ATP7B: variants seen among roughly 807,000 people sequenced by gnomAD.
The protein encoded by ATP7B is copper-transporting ATPase 2.
In ATP7B, 113 loss-of-function variants were observed where a neutral mutation model predicts 118.9. The observed-to-expected ratio is 0.95, with a 90% CI of 0.82 to 1.11. ATP7B has a LOEUF of 1.11. Among genes scored for constraint, ATP7B ranks in the 50% most tolerant of loss-of-function variants. The pLI is 0.00. For synonymous variants in ATP7B, 777 were observed against 727.4 expected (o/e 1.07, Z -1.10); for missense variants, 1,867 against 1,871.4 (o/e 1.00, Z 0.04).
At position 51,949,694 on chromosome 13, in the gene ATP7B, T is replaced by C. The variant is rs373757123; in HGVS notation, c.2833A>G (p.Ile945Val). ...TATCTCTGAACAACACCAAAATCGA[T>C]AAAACCGATTACAATCCATACCACC... The part of the protein sequence containing the change: ...TLVVWIVIGF[I>V]DFGVVQRYFP... The change falls in exon 12 of 21, where the codon ATC becomes GTC. Residue 945 changes from isoleucine (I) to valine (V), a missense_variant. Physicochemically the swap from Ile to Val is conservative, Grantham distance 29. Coordinates refer to ENST00000242839, the MANE Select transcript of ATP7B (RefSeq NM_000053.4). The C allele has an allele frequency of 8.7e-6, 14 of 1,613,942 alleles. No individual in the cohort carries two copies. The African/African-American group carries it at 1.9e-4, about 22-fold the overall frequency.
intron 9 of ATP7B, among the ~76,000 whole-genome samples, chr13:51,951,941 T>C (rs529343823): frequency 6.6e-6 from 1 of 152,336 alleles, no homozygotes; most frequent in Admixed American, 6.5e-5. Context: ...GGAAATTACT[T>C]GATGGCACTG....
rs886050310 is a variant in ATP7B at position 52,011,434 on chromosome 13, G to A, written c.-97C>T. The A allele has an allele frequency of 3.3e-6, 5 of 1,534,000 alleles. No individual in the cohort carries two copies. The South Asian group carries it at 3.4e-5, about 10-fold the overall frequency. On this transcript the variant is annotated 5_prime_UTR_variant, in exon 1 of 21. Coordinates refer to ENST00000242839, the MANE Select transcript of ATP7B (RefSeq NM_000053.4). ...GCGGGGTGTTAAAGTCCCGGGAGAG[G>A]AGGCGCAGAGTGTGAGGGCATCGGC... is the stretch of plus-strand genomic sequence containing the variant.
chr13:51,966,866 A>G lies in ATP7B; in HGVS notation c.1707+1578T>C, dbSNP rs549748104. On this transcript the variant is annotated intron_variant, in intron 4 of 20. Transcript: ENST00000242839. ...AAAATGGGCGCAATGGCCAAGCCAG[A>G]TTGTATCATCACTTGTGATGGCAGA... The G allele has an allele frequency of 2.4e-5, 38 of 1,612,936 alleles. No homozygotes were observed. The East Asian group carries it at 6.9e-4, about 29-fold the overall frequency.
In ATP7B at chr13:51,950,115, C is replaced by T. The variant is rs896503662; in HGVS notation, c.2622G>A (p.Ala874=). The change falls in exon 11 of 21, where the codon GCG becomes GCA. Residue 874 remains alanine (A), a synonymous_variant. Transcript: ENST00000242839. ...CAGAGCCATGTGCATTTATAGACCC[C>T]GCAATTACAGTGCTTCCGGGTTTCT... is the stretch of plus-strand genomic sequence containing the variant. ...VTKKPGSTVI[A]GSINAHGSVL... 1.6e-5 allele frequency: 26 copies of T among 1,614,056 alleles called. No individual in the cohort carries two copies. The highest frequency in any genetic ancestry group is 2.0e-5 in the Non-Finnish European group (24 of 1,180,044).
In ATP7B at chr13:51,958,470, G is replaced by A. The variant is rs201213995; in HGVS notation, c.2196C>T (p.Leu732=). 4.0e-5 allele frequency: 65 copies of A among 1,614,112 alleles called. No homozygotes were observed. Among genetic ancestry groups the A allele is most frequent in the Non-Finnish European group, 5.3e-5 (63 of 1,180,046 alleles). ...AAGCAATGCTTGTGGCCAGGACGAT[G>A]AGCACGTCCATGTTGGCTGACCTGT... is the stretch of plus-strand genomic sequence containing the variant. The part of the protein sequence containing the change: ...LRHRSANMDV[L]IVLATSIAYV... Residue 732 remains leucine, a synonymous_variant, in exon 8 of 21, where the codon CTC becomes CTT. Coordinates refer to ENST00000242839, the MANE Select transcript of ATP7B (RefSeq NM_000053.4).
At chr13:51,976,311 C>T (rs1952116606) in intron 1 of ATP7B, among the ~76,000 whole-genome samples, 1 of 152,190 alleles carries the variant, frequency 6.6e-6, no homozygotes, top group Non-Finnish European at 1.5e-5. Flanking sequence ...AAAATGCAGA[C>T]CTTGCCAACC....
At chr13:51,946,992 TAAGAA>T (rs1366546627) in intron 12 of ATP7B, among the ~76,000 whole-genome samples, 1 of 152,210 alleles carries the variant, frequency 6.6e-6, no homozygotes, top group Non-Finnish European at 1.5e-5. Context: ...ATCATATAAA[TAAGAA>T]AAGATGCAAG....
rs756718353 is a variant in ATP7B at position 51,974,632 on chromosome 13, G to T, written c.588C>A (p.Asp196Glu). ...TYQPYLIQPEDLRDHVNDMGF... is the reference protein window; with the variant it reads ...TYQPYLIQPEELRDHVNDMGF... ...CCATGTCATTTACATGGTCCCTGAG[G>T]TCTTCGGGCTGAATGAGATAAGGCT... The change falls in exon 2 of 21, where the codon GAC (aspartate) becomes GAA (glutamate). Residue 196 changes from aspartate to glutamate, a missense_variant. Physicochemically the swap from Asp to Glu is conservative, Grantham distance 45. Coordinates refer to ENST00000242839, the MANE Select transcript of ATP7B (RefSeq NM_000053.4). The T allele has an allele frequency of 6.2e-6, 10 of 1,612,634 alleles. No individual in the cohort carries two copies. The East Asian group carries it at 8.9e-5, about 14-fold the overall frequency.
chr13:51,960,492 T>A lies in ATP7B; in HGVS notation c.1947-170A>T, dbSNP rs190690337. The stretch of plus-strand genomic sequence containing the variant: ...AACTCTCTCTCTCTGACACTGGCCA[T>A]CTGAGGGAGCATCTAGAGGTCTAAA... On this transcript the variant is annotated intron_variant, in intron 6 of 20. Coordinates refer to ENST00000242839, the MANE Select transcript of ATP7B (RefSeq NM_000053.4). Among the ~76,000 whole-genome samples the A allele has an allele frequency of 2.7e-3, 408 of 152,286 alleles. 1 individual carries two copies. The highest frequency in any genetic ancestry group is 9.4e-3 in the African/African-American group (390 of 41,554).
At chr13:51,957,658 C>T in intron 8 of ATP7B, 51 bp from the exon 9 acceptor site, 1 of 1,547,884 alleles carries the variant, frequency 6.5e-7, no homozygotes, top group Non-Finnish European at 8.9e-7. Context: ...CAGACCTGTC[C>T]AAACCCAGCC....
At chr13:52,008,224 C>T (rs1341901069) in intron 1 of ATP7B, among the ~76,000 whole-genome samples, 3 of 152,172 alleles carry the variant, frequency 2.0e-5, no homozygotes. Flanking sequence ...CCTGTAATCC[C>T]AGCTACTCAG....
Position 51,974,778 on chromosome 13 carries a change from G to C in ATP7B, c.442C>G (p.Arg148Gly), listed in dbSNP as rs373762572. ...LPAQEAVVKLRVEGMTCQSCV... is the reference protein window; with the variant it reads ...LPAQEAVVKLGVEGMTCQSCV... Reference sequence around the variant, plus strand: ...GACTGGCAGGTCATGCCCTCCACCCGGAGCTTGACCACAGCCTCCTGGGCA... The same window carrying C: ...GACTGGCAGGTCATGCCCTCCACCCCGAGCTTGACCACAGCCTCCTGGGCA... Residue 148 changes from arginine to glycine, a missense_variant, in exon 2 of 21, where the codon CGG (arginine) becomes GGG (glycine). Physicochemically the swap from Arg to Gly is moderately radical, Grantham distance 125. Coordinates refer to ENST00000242839, the MANE Select transcript of ATP7B (RefSeq NM_000053.4). 1.2e-6 allele frequency: 2 copies of C among 1,614,044 alleles called. No homozygotes were observed. Among genetic ancestry groups the C allele is most frequent in the South Asian group, 1.1e-5 (1 of 91,082 alleles).
intron 6 of ATP7B, among the ~76,000 whole-genome samples, chr13:51,961,269 T>C (rs1168830584): frequency 6.6e-6 from 1 of 151,848 alleles, no homozygotes; most frequent in Non-Finnish European, 1.5e-5. Context: ...GGAAAGTATT[T>C]ATCCCCAGCA....
intron 7 of ATP7B, 101 bp downstream of exon 7, chr13:51,960,047 T>C: frequency 6.8e-7 from 1 of 1,476,448 alleles, no homozygotes; most frequent in Non-Finnish European, 9.4e-7. Context: ...AAAGTGCCAT[T>C]TAAACCAAGC....
At chr13:51,981,564 A>T (rs1252585257) in intron 1 of ATP7B, among the ~76,000 whole-genome samples, 2 of 152,288 alleles carry the variant, frequency 1.3e-5, no homozygotes, top group Non-Finnish European at 1.5e-5. Context: ...ACAAATTCAC[A>T]GGGGAGGGCA....
chr13:51,968,365 T>A (rs762028485), intron 4 of ATP7B, 79 bp downstream of exon 4: 2 of 1,601,324 alleles, frequency 1.2e-6, no homozygotes, highest in Non-Finnish European at 1.7e-6. Context: ...TGGGGAAATT[T>A]ACTAATCACA....
At position 51,974,664 on chromosome 13, in the gene ATP7B, T is replaced by C. The variant is rs1457309985; in HGVS notation, c.556A>G (p.Thr186Ala). The change falls in exon 2 of 21, where the codon ACT becomes GCT. Residue 186 changes from threonine to alanine, a missense_variant. By Grantham distance (58) the Thr-to-Ala change is moderately conservative. Transcript: ENST00000242839. The stretch of plus-strand genomic sequence containing the variant: ...GGCTGAATGAGATAAGGCTGATAAG[T>C]GATGACGGCCTCTTGGTTGCTGAGT... ...VSLSNQEAVI[T>A]YQPYLIQPED... 6.2e-7 allele frequency: 1 copy of C among 1,611,218 alleles called. No individual in the cohort carries two copies.
At chr13:51,952,752 G>A (rs904892905) in intron 9 of ATP7B, among the ~76,000 whole-genome samples, 5 of 152,210 alleles carry the variant, frequency 3.3e-5, no homozygotes, top group Non-Finnish European at 2.9e-5. Context: ...TCTGTGCTAC[G>A]AGGATTCAAG....
rs1032175268 is a variant in ATP7B at position 51,974,417 on chromosome 13, C to T, written c.803G>A (p.Cys268Tyr). The T allele has an allele frequency of 6.2e-7, 1 of 1,613,894 alleles. No homozygotes were observed. The highest frequency in any genetic ancestry group is 1.3e-5 in the African/African-American group (1 of 74,910). The change falls in exon 2 of 21, where the codon TGT becomes TAT. Residue 268 changes from cysteine to tyrosine, a missense_variant. By Grantham distance (194) the Cys-to-Tyr change is radical. Coordinates refer to ENST00000242839, the MANE Select transcript of ATP7B (RefSeq NM_000053.4). ...TTCAATATTCAAGACGCAAGACTTA[C>T]AATGCATTCCATCTATTCTCAGTTG... ...TLQLRIDGMH[C>Y]KSCVLNIEEN...
Sources: gnomAD v4.1 joint callset for allele counts (sites outside exome capture counted in the v4.1 genomes callset) on GRCh38, gnomAD v4.1.1 for gene constraint, MANE v1.5 for transcripts, NCBI Gene and HGNC (gene_info 2026-07-23, HGNC 2026-07-21) for gene names.